Variants in RBFOX1 observed in about 807,000 individuals in gnomAD.
The protein encoded by RBFOX1 is RNA binding fox-1 homolog 1.
RBFOX1 carries 8 observed loss-of-function variants against 57.7 expected under a neutral mutation model. The observed-to-expected ratio is 0.14, with a 90% confidence interval of 0.08 to 0.25. RBFOX1 has a LOEUF of 0.25. RBFOX1 is among the 10% of genes least tolerant of loss of function. The pLI is 1.00. For synonymous variants in RBFOX1, 326 were observed against 222.4 expected, an observed-to-expected ratio of 1.47 and a Z score of -4.15; for missense variants, 611 against 548.5, an observed-to-expected ratio of 1.11 and a Z score of -1.14.
At chr16:7,296,354 G>A (rs912822432) in intron 4 of RBFOX1, among the ~76,000 whole-genome samples, 4 of 148,488 alleles carry the variant, frequency 2.7e-5, no homozygotes, top group Non-Finnish European at 4.4e-5. Context: ...ATGTGTGTAT[G>A]TATGAATGTA....
intron 1 of RBFOX1, among the ~76,000 whole-genome samples, chr16:6,212,228 T>C (rs1372674235): frequency 1.3e-5 from 2 of 152,146 alleles, no homozygotes; most frequent in Non-Finnish European, 2.9e-5. Context: ...ATATACATTG[T>C]TAATTGGTGA....
At chr16:6,073,331 C>T (rs1392178525) in intron 1 of RBFOX1, among the ~76,000 whole-genome samples, 1 of 152,130 alleles carries the variant, frequency 6.6e-6, no homozygotes, top group Non-Finnish European at 1.5e-5. Context: ...TTGCACCAAC[C>T]TAATAAAATT....
At position 7,656,835 on chromosome 16, in the gene RBFOX1, G is replaced by A. The variant is rs754099402; in HGVS notation, c.890+2888G>A. ...GGATATTGTGTGAACACTAGGGAAA[G>A]GTCCTTAGCCCAGCTTGGGTGTTTA... On this transcript the variant is annotated intron_variant, in intron 12 of 15. Coordinates refer to ENST00000550418, the MANE Select transcript of RBFOX1 (RefSeq NM_018723.4). 2.0e-5 allele frequency among the ~76,000 whole-genome samples: 3 copies of A among 152,110 alleles called. No homozygotes were observed. The East Asian group carries it at 5.8e-4, about 29-fold the overall frequency.
chr16:7,016,638 G>A (rs1437633946), intron 3 of RBFOX1, among the ~76,000 whole-genome samples: 3 of 152,208 alleles, frequency 2.0e-5, no homozygotes, highest in Admixed American at 2.0e-4. Flanking sequence ...AAACAGGCGT[G>A]ATACACGATG....
At chr16:6,034,100 C>G (rs1484249415) in intron 1 of RBFOX1, among the ~76,000 whole-genome samples, 1 of 151,794 alleles carries the variant, frequency 6.6e-6, no homozygotes, top group Non-Finnish European at 1.5e-5. Flanking sequence ...TTTGGGAGGC[C>G]GAGGTGGGCG....
At chr16:7,062,893 ATTTTTTTTTTTT>A (rs1170936027) in intron 4 of RBFOX1, among the ~76,000 whole-genome samples, 1 of 47,310 alleles carries the variant, frequency 2.1e-5, no homozygotes, top group Non-Finnish European at 3.8e-5. Flanking sequence ...AATGATCGCC[ATTTTTTTTTTTT>A]TTTTTTTTTT....
chr16:6,803,209 T>A (rs181516729), intron 3 of RBFOX1, among the ~76,000 whole-genome samples: 13 of 152,260 alleles, frequency 8.5e-5, no homozygotes, highest in Admixed American at 6.5e-4. Flanking sequence ...TCGAAAATGT[T>A]CACTTGACCC....
intron 2 of RBFOX1, among the ~76,000 whole-genome samples, chr16:5,568,672 C>T (rs568636472): frequency 6.6e-6 from 1 of 152,286 alleles, no homozygotes; most frequent in South Asian, 2.1e-4. Context: ...TCCACCTATG[C>T]CAGCATGGGC....
rs556568871 is a variant in RBFOX1, at chr16:5,322,172, C to G, written c.219+82067C>G. On this transcript the variant is annotated intron_variant, in intron 1 of 2. Coordinates refer to the RBFOX1 transcript ENST00000585867. ...GTCTTGCTTGGCTCTTAACAGAAAGCTACTTGGGTTCCTTCCAGTTCTGGG... is the reference window on the plus strand; with the variant it reads ...GTCTTGCTTGGCTCTTAACAGAAAGGTACTTGGGTTCCTTCCAGTTCTGGG... Among the ~76,000 whole-genome samples, 20 of 152,300 alleles carry G rather than the reference C, an allele frequency of 1.3e-4. No homozygotes were observed. In the East Asian group the frequency reaches 3.5e-3, roughly 26 times the overall value.
chr16:7,082,525 A>T (rs2059357386), intron 4 of RBFOX1, among the ~76,000 whole-genome samples: 2 of 151,622 alleles, frequency 1.3e-5, no homozygotes, highest in African/African-American at 2.4e-5. Flanking sequence ...GAGGTTGATC[A>T]AACCTCCACC....
chr16:6,086,924 C>T (rs186016065), intron 1 of RBFOX1, among the ~76,000 whole-genome samples: 5 of 152,184 alleles, frequency 3.3e-5, no homozygotes, highest in African/African-American at 1.2e-4. Flanking sequence ...AGAGAAAGAC[C>T]AAGTATAGCA....
At chr16:6,282,408 CAGAG>C (rs1275811224) in intron 1 of RBFOX1, among the ~76,000 whole-genome samples, 1 of 138,210 alleles carries the variant, frequency 7.2e-6, no homozygotes, top group Non-Finnish European at 1.5e-5. Context: ...GATACGTGTT[CAGAG>C]AGAGTGTGCA....
chr16:6,572,115 G>T (rs912981709), intron 2 of RBFOX1, among the ~76,000 whole-genome samples: 1 of 152,086 alleles, frequency 6.6e-6, no homozygotes, highest in African/African-American at 2.4e-5. Flanking sequence ...GTCTCTTTAT[G>T]TATTAGAACA....
At chr16:6,243,726 C>T (rs369193009) in intron 1 of RBFOX1, among the ~76,000 whole-genome samples, 9 of 152,174 alleles carry the variant, frequency 5.9e-5, no homozygotes, top group African/African-American at 1.2e-4. Flanking sequence ...AGGCTGGTGC[C>T]ACTCCATTCA....
intron 4 of RBFOX1, among the ~76,000 whole-genome samples, chr16:5,927,558 AGTAGAACTACC>A (rs1403404496): frequency 2.0e-5 from 3 of 152,234 alleles, no homozygotes; most frequent in African/African-American, 7.2e-5. Context: ...CAAAAGTAGA[AGTAGAACTACC>A]GTATGATCCA....
At chr16:6,043,864 G>A (rs1326238504) in intron 1 of RBFOX1, among the ~76,000 whole-genome samples, 3 of 152,170 alleles carry the variant, frequency 2.0e-5, no homozygotes, top group Non-Finnish European at 2.9e-5. Context: ...TTCCTGAGTA[G>A]CAGAGAGGAC....
rs114290573 is a variant in RBFOX1 at position 7,145,318 on chromosome 16, C to T, written c.27+93220C>T. Among the ~76,000 whole-genome samples the T allele has an allele frequency of 7.6e-3, 1,154 of 152,264 alleles. 17 individuals are homozygous for T. Among genetic ancestry groups the T allele is most frequent in the African/African-American group, 0.026 (1,087 of 41,550 alleles). ...TTCCCGGGTACAAGAGATTCTCCTG[C>T]CTTAGCCTCCCGATTAGCTGGGATT... On this transcript the variant is annotated intron_variant, in intron 4 of 15. Coordinates refer to ENST00000550418, the MANE Select transcript of RBFOX1 (RefSeq NM_018723.4).
chr16:7,384,862 C>T (rs2097850676), intron 4 of RBFOX1, among the ~76,000 whole-genome samples: 1 of 152,154 alleles, frequency 6.6e-6, no homozygotes, highest in South Asian at 2.1e-4. Flanking sequence ...AGGAGGCAAA[C>T]AATAAATAAC....
intron 4 of RBFOX1, among the ~76,000 whole-genome samples, chr16:7,351,382 G>C (rs767407563): frequency 1.3e-5 from 2 of 152,260 alleles, no homozygotes; most frequent in Non-Finnish European, 2.9e-5. Flanking sequence ...ACCACTACGT[G>C]CAAGGCACGA....
Sources: gnomAD v4.1 joint callset for allele counts (sites outside exome capture counted in the v4.1 genomes callset) on GRCh38, gnomAD v4.1.1 for gene constraint, MANE v1.5 for transcripts, NCBI Gene and HGNC (gene_info 2026-07-23, HGNC 2026-07-21) for gene names.